The following KCNIP4 variants were observed in gnomAD, a reference collection of about 807,000 sequenced individuals.
KCNIP4 encodes the protein Kv channel-interacting protein 4.
KCNIP4 carries 12 observed loss-of-function variants against 34.0 expected under a neutral mutation model. The ratio of observed to expected loss-of-function variants is 0.35; its 90% CI spans 0.23 to 0.57. The LOEUF is 0.57. Ranked by LOEUF, KCNIP4 falls within the 20% of genes least tolerant of loss-of-function variation. The pLI is 0.83. For missense variants in KCNIP4, 238 were observed against 311.7 expected, an observed-to-expected ratio of 0.76 and a Z score of 1.78; for synonymous variants, 124 against 102.2, an observed-to-expected ratio of 1.21 and a Z score of -1.29.
intron 1 of KCNIP4, among the ~76,000 whole-genome samples, chr4:21,056,722 C>A (rs1263199725): frequency 6.6e-6 from 1 of 152,134 alleles, no homozygotes; most frequent in Non-Finnish European, 1.5e-5. Flanking sequence ...ACCTGAAACC[C>A]TCTGAAGGCT....
chr4:20,996,885 G>C (rs1369012202), intron 1 of KCNIP4, among the ~76,000 whole-genome samples: 3 of 152,076 alleles, frequency 2.0e-5, no homozygotes, highest in Admixed American at 6.6e-5. Flanking sequence ...AACTAGGAGA[G>C]AGATTGTCAG....
intron 1 of KCNIP4, among the ~76,000 whole-genome samples, chr4:20,886,349 CAG>C (rs1454786369): frequency 6.6e-6 from 1 of 152,124 alleles, no homozygotes; most frequent in East Asian, 1.9e-4. Context: ...GCTGAAGTGG[CAG>C]AGATTAGAGT....
At chr4:21,143,135 C>T (rs7695339) in intron 1 of KCNIP4, among the ~76,000 whole-genome samples, 6 of 152,014 alleles carry the variant, frequency 3.9e-5, no homozygotes, top group African/African-American at 1.4e-4. Flanking sequence ...CCTAGGAAGA[C>T]ATTTTGCAGA....
At chr4:20,983,290 T>C (rs1736263523) in intron 1 of KCNIP4, among the ~76,000 whole-genome samples, 1 of 152,218 alleles carries the variant, frequency 6.6e-6, no homozygotes, top group African/African-American at 2.4e-5. Context: ...GCAAATCAAA[T>C]GTTCAAAGCA....
chr4:21,216,196 G>C (rs1355186094), intron 1 of KCNIP4, among the ~76,000 whole-genome samples: 1 of 152,184 alleles, frequency 6.6e-6, no homozygotes, highest in Non-Finnish European at 1.5e-5. Flanking sequence ...TAGTTTGTTT[G>C]CTATGAGAGA....
intron 1 of KCNIP4, among the ~76,000 whole-genome samples, chr4:21,211,990 G>A (rs1757252709): frequency 6.6e-6 from 1 of 152,134 alleles, no homozygotes; most frequent in African/African-American, 2.4e-5. Flanking sequence ...GACATGAGGG[G>A]GACTTGCCCA....
At chr4:21,131,946 T>G (rs1040505838) in intron 1 of KCNIP4, among the ~76,000 whole-genome samples, 2 of 152,200 alleles carry the variant, frequency 1.3e-5, no homozygotes, top group Non-Finnish European at 2.9e-5. Flanking sequence ...GGGGCCATTG[T>G]ATTGGATGGC....
chr4:20,804,538 C>A (rs1057282774), intron 3 of KCNIP4, among the ~76,000 whole-genome samples: 1 of 150,750 alleles, frequency 6.6e-6, no homozygotes, highest in Non-Finnish European at 1.5e-5. Flanking sequence ...ATATCCTTAC[C>A]TAATATCTTT....
chr4:21,738,136 T>TA (rs367974600), intron 1 of KCNIP4, among the ~76,000 whole-genome samples: 86 of 96,794 alleles, frequency 8.9e-4, no homozygotes, highest in African/African-American at 4.6e-3. Context: ...AATAAATAAA[T>TA]AATAAATAAA....
intron 1 of KCNIP4, among the ~76,000 whole-genome samples, chr4:20,950,489 A>T (rs1018715872): frequency 4.6e-5 from 7 of 152,042 alleles, no homozygotes; most frequent in Non-Finnish European, 8.8e-5. Context: ...GATATTGAAA[A>T]ACATTCTACT....
chr4:21,681,477 T>C (rs562416320), intron 1 of KCNIP4, among the ~76,000 whole-genome samples: 1 of 152,298 alleles, frequency 6.6e-6, no homozygotes, highest in East Asian at 1.9e-4. Flanking sequence ...CTTAGCTGGA[T>C]CTTCTGAATA....
chr4:21,217,389 C>T (rs1179614087), intron 1 of KCNIP4, among the ~76,000 whole-genome samples: 1 of 152,106 alleles, frequency 6.6e-6, no homozygotes, highest in African/African-American at 2.4e-5. Flanking sequence ...TGGGAGGAGA[C>T]ATGTGGGCAA....
At chr4:21,260,444 G>T (rs1761397509) in intron 1 of KCNIP4, among the ~76,000 whole-genome samples, 1 of 152,092 alleles carries the variant, frequency 6.6e-6, no homozygotes, top group African/African-American at 2.4e-5. Flanking sequence ...TAGGATTTTT[G>T]AATGACATGC....
At chr4:21,714,786 A>ACCC (rs778595133) in intron 1 of KCNIP4, among the ~76,000 whole-genome samples, 1 of 46,238 alleles carries the variant, frequency 2.2e-5, no homozygotes, top group East Asian at 8.3e-4. Flanking sequence ...TTTCCCTTTG[A>ACCC]TTATTTTATT....
intron 1 of KCNIP4, among the ~76,000 whole-genome samples, chr4:21,232,242 GTGT>G (rs1316408405): frequency 2.0e-5 from 3 of 152,072 alleles, no homozygotes; most frequent in Admixed American, 1.3e-4. Flanking sequence ...TCTGAAAAAG[GTGT>G]TGTGCACACA....
intron 1 of KCNIP4, among the ~76,000 whole-genome samples, chr4:21,512,317 T>C (rs1464587352): frequency 6.6e-6 from 1 of 152,164 alleles, no homozygotes; most frequent in Non-Finnish European, 1.5e-5. Flanking sequence ...ACCCAAGCAG[T>C]CATTAAAGCA....
At chr4:21,909,894 A>C (rs1728205815) in intron 1 of KCNIP4, among the ~76,000 whole-genome samples, 1 of 152,050 alleles carries the variant, frequency 6.6e-6, no homozygotes, top group Admixed American at 6.6e-5. Context: ...TACCACAAGG[A>C]TAGTATGGGG....
At chr4:21,930,551 A>G (rs868591483) in intron 1 of KCNIP4, among the ~76,000 whole-genome samples, 1 of 151,906 alleles carries the variant, frequency 6.6e-6, no homozygotes, top group East Asian at 1.9e-4. Flanking sequence ...TTTTGGATAC[A>G]TTTTTCTACA....
At chr4:20,975,655 G>C (rs965068900) in intron 1 of KCNIP4, among the ~76,000 whole-genome samples, 1 of 152,110 alleles carries the variant, frequency 6.6e-6, no homozygotes, top group African/African-American at 2.4e-5. Flanking sequence ...TAGTACAGAA[G>C]GGATAGAAAA....
Sources: gnomAD v4.1 joint callset for allele counts (sites outside exome capture counted in the v4.1 genomes callset) on GRCh38, gnomAD v4.1.1 for gene constraint, MANE v1.5 for transcripts, NCBI Gene and HGNC (gene_info 2026-07-23, HGNC 2026-07-21) for gene names.